The following LDAH variants were observed in gnomAD, a reference collection of about 807,000 sequenced individuals.
The protein encoded by LDAH is lipid droplet associated hydrolase.
LDAH carries 26 observed loss-of-function variants against 29.6 expected under a neutral mutation model. The observed-to-expected ratio is 0.88, with a 90% CI of 0.64 to 1.22. The LOEUF is 1.22. LDAH is among the 50% of genes most tolerant of loss of function. The pLI is 0.00. For missense variants in LDAH, 344 were observed against 387.3 expected, an observed-to-expected ratio of 0.89 and a Z score of 0.94; for synonymous variants, 117 against 133.0, an observed-to-expected ratio of 0.88 and a Z score of 0.83.
chr2:20,734,592 C>T (rs927496889), intron 5 of LDAH, among the ~76,000 whole-genome samples: 6 of 152,264 alleles, frequency 3.9e-5, no homozygotes, highest in Middle Eastern at 3.4e-3. Flanking sequence ...TTTATAAAAT[C>T]GTTCCCTAAA....
chr2:20,758,195 C>T (rs1668463002), intron 4 of LDAH, among the ~76,000 whole-genome samples: 1 of 152,024 alleles, frequency 6.6e-6, no homozygotes, highest in African/African-American at 2.4e-5. Context: ...ATTTTCATGT[C>T]AAATATATGA....
At chr2:20,757,387 T>C (rs2124935392) in intron 4 of LDAH, among the ~76,000 whole-genome samples, 1 of 152,310 alleles carries the variant, frequency 6.6e-6, no homozygotes, top group East Asian at 1.9e-4. Flanking sequence ...CAAAGATAGC[T>C]TTGATTCAAC....
At chr2:20,808,998 G>A (rs904337765) in intron 1 of LDAH, among the ~76,000 whole-genome samples, 1 of 152,076 alleles carries the variant, frequency 6.6e-6, no homozygotes, top group African/African-American at 2.4e-5. Flanking sequence ...AATGTGAAAC[G>A]TGAACAATAA....
intron 1 of LDAH, among the ~76,000 whole-genome samples, chr2:20,803,860 T>C (rs1271975295): frequency 1.3e-5 from 2 of 152,248 alleles, no homozygotes; most frequent in Non-Finnish European, 2.9e-5. Context: ...CATACCCTAA[T>C]AATTCTTTAA....
intron 4 of LDAH, among the ~76,000 whole-genome samples, chr2:20,743,545 T>C (rs1667352616): frequency 6.6e-6 from 1 of 152,202 alleles, no homozygotes; most frequent in Admixed American, 6.5e-5. Flanking sequence ...AGCATACATA[T>C]AACATATAAA....
rs116730646 is a variant in LDAH, at chr2:20,741,024, T to C, written c.469-819A>G. 5.4e-3 allele frequency among the ~76,000 whole-genome samples: 822 copies of C among 152,354 alleles called. 17 individuals carry two copies. The highest frequency in any genetic ancestry group is 0.019 in the African/African-American group (774 of 41,592). On this transcript the variant is annotated intron_variant, in intron 4 of 6. Coordinates refer to ENST00000237822, the MANE Select transcript of LDAH (RefSeq NM_021925.4). ...TAATTTACATTTCTTTGATGCCATA[T>C]GATGTGGAGCATCTTCTCATATGTT...
intron 5 of LDAH, among the ~76,000 whole-genome samples, chr2:20,702,060 T>G (rs1663985607): frequency 1.3e-5 from 2 of 152,092 alleles, no homozygotes; most frequent in African/African-American, 4.8e-5. Context: ...ATACTGGCTT[T>G]TTTTTTTTTA....
Position 20,695,910 on chromosome 2 carries a change from T to G in LDAH, c.786+5660A>C, listed in dbSNP as rs189248808. 6.3e-4 allele frequency among the ~76,000 whole-genome samples: 96 copies of G among 152,262 alleles called. 1 individual carries two copies. In the East Asian group the frequency reaches 0.016, roughly 25 times the overall value. On this transcript the variant is annotated intron_variant, in intron 6 of 6. Coordinates refer to ENST00000237822, the MANE Select transcript of LDAH (RefSeq NM_021925.4). ...GGGTCATGAACAAGGGTGGATTTGG[T>G]GTTTGAAGCTTGGCTGAGACTCTGG...
At chr2:20,720,679 GA>G (rs375542970) in intron 5 of LDAH, among the ~76,000 whole-genome samples, 2 of 151,510 alleles carry the variant, frequency 1.3e-5, no homozygotes, top group Admixed American at 6.6e-5. Context: ...CTAAGGAAAG[GA>G]AAAAACAAAA....
chr2:20,713,049 A>C (rs963505426), intron 5 of LDAH, among the ~76,000 whole-genome samples: 3 of 152,182 alleles, frequency 2.0e-5, no homozygotes, highest in Non-Finnish European at 4.4e-5. Flanking sequence ...CACCACAAAG[A>C]TACTCCTCGA....
chr2:20,760,844 G>T (rs1668633949), intron 4 of LDAH, among the ~76,000 whole-genome samples: 1 of 152,138 alleles, frequency 6.6e-6, no homozygotes, highest in Non-Finnish European at 1.5e-5. Flanking sequence ...TTGGTTAGAT[G>T]CAAGTCATCA....
rs113915513 is a variant in LDAH, at chr2:20,749,543, C to T, written c.469-9338G>A. On this transcript the variant is annotated intron_variant, in intron 4 of 6. Transcript: ENST00000237822. ...CCCATAGCCAGAGGCATGTATAGGGCACACAGCACAGCCCCAGCCACAAGG... is the reference window on the plus strand; with the variant it reads ...CCCATAGCCAGAGGCATGTATAGGGTACACAGCACAGCCCCAGCCACAAGG... Among the ~76,000 whole-genome samples the T allele has an allele frequency of 2.7e-3, 408 of 152,288 alleles. 4 individuals carry two copies. Among genetic ancestry groups the T allele is most frequent in the African/African-American group, 9.3e-3 (386 of 41,554 alleles).
In LDAH at chr2:20,685,890, C is replaced by A; in HGVS notation, c.*1013G>T. 2 of 449,246 alleles carry A rather than the reference C, an allele frequency of 4.5e-6. No homozygotes were observed. The highest frequency in any genetic ancestry group is 4.0e-5 in the African/African-American group (2 of 49,476). 27.8% of individuals were successfully genotyped at this position (449,246 alleles called of 1,614,324 possible). A position where few individuals can be genotyped will look rare whatever the true frequency, so the allele number is the denominator to read the frequency against. ...TTCTTTCCAGCAAATGAAGTTAATG[C>A]AGAAATGGAGAGTTAATGTATGGCA... On this transcript the variant is annotated 3_prime_UTR_variant, in exon 7 of 7. Coordinates refer to ENST00000237822, the MANE Select transcript of LDAH (RefSeq NM_021925.4).
intron 5 of LDAH, among the ~76,000 whole-genome samples, chr2:20,734,154 A>T (rs1266332267): frequency 6.6e-6 from 1 of 152,184 alleles, no homozygotes; most frequent in Non-Finnish European, 1.5e-5. Flanking sequence ...TGTTTGCATA[A>T]TGTATCTTTT....
At chr2:20,700,003 T>C (rs1386359051) in intron 6 of LDAH, among the ~76,000 whole-genome samples, 2 of 152,252 alleles carry the variant, frequency 1.3e-5, no homozygotes, top group African/African-American at 4.8e-5. Context: ...ATGGGTCTAG[T>C]TGTTCAGCAA....
At chr2:20,789,111 A>G in intron 3 of LDAH, 1 of 1,549,862 alleles carries the variant, frequency 6.5e-7, no homozygotes, top group East Asian at 2.4e-5. Flanking sequence ...ACCCACCTCC[A>G]TGCCCTAAAT....
At chr2:20,752,805 C>T (rs903585423) in intron 4 of LDAH, among the ~76,000 whole-genome samples, 1 of 152,202 alleles carries the variant, frequency 6.6e-6, no homozygotes. Context: ...GAATCCATTC[C>T]TTGCTTCTTC....
At chr2:20,819,592 T>C (rs1374274010) in intron 1 of LDAH, among the ~76,000 whole-genome samples, 7 of 152,304 alleles carry the variant, frequency 4.6e-5, no homozygotes, top group South Asian at 2.1e-4. Flanking sequence ...AAACTCTCAA[T>C]AGATATTGAT....
chr2:20,789,367 C>G, intron 3 of LDAH: 3 of 1,499,980 alleles, frequency 2.0e-6, no homozygotes, highest in Non-Finnish European at 2.7e-6. Flanking sequence ...AGGTTTTCAT[C>G]AGACATCGAA....
Sources: allele counts gnomAD v4.1 joint callset (sites outside exome capture counted in the v4.1 genomes callset), GRCh38; gene constraint gnomAD v4.1.1; transcripts MANE v1.5; gene names NCBI Gene and HGNC (gene_info 2026-07-23, HGNC 2026-07-21).